ZNF385D: variants seen among roughly 807,000 people sequenced by gnomAD.
The protein encoded by ZNF385D is zinc finger protein 385D, also known as zinc finger protein 659.
In ZNF385D, 15 loss-of-function variants were observed where a neutral mutation model predicts 35.8. The ratio of observed to expected loss-of-function variants is 0.42; its 90% confidence interval spans 0.28 to 0.64. The LOEUF (loss-of-function observed/expected upper bound fraction) is 0.64. ZNF385D is among the 30% of genes least tolerant of loss of function. ZNF385D has a pLI of 0.23. For missense variants in ZNF385D, 474 were observed against 494.6 expected (o/e 0.96, Z 0.39); for synonymous variants, 212 against 186.8 (o/e 1.13, Z -1.10).
intron 2 of ZNF385D, among the ~76,000 whole-genome samples, chr3:21,652,608 A>T (rs1198688425): frequency 6.6e-6 from 1 of 151,392 alleles, no homozygotes; most frequent in Non-Finnish European, 1.5e-5. Flanking sequence ...ATATCTCCCA[A>T]TGCTATCCCT....
At chr3:21,775,863 AG>A (rs1359266028) in intron 3 of ZNF385D, among the ~76,000 whole-genome samples, 4 of 151,840 alleles carry the variant, frequency 2.6e-5, no homozygotes, top group Non-Finnish European at 5.9e-5. Context: ...TATAAAATTA[AG>A]ACATGCTCTT....
chr3:22,180,272 T>G (rs1337945869), intron 2 of ZNF385D, among the ~76,000 whole-genome samples: 5 of 152,092 alleles, frequency 3.3e-5, no homozygotes, highest in South Asian at 4.2e-4. Flanking sequence ...AATAACAGGC[T>G]CTGAAATTGA....
intron 2 of ZNF385D, among the ~76,000 whole-genome samples, chr3:22,198,648 G>C (rs1696581631): frequency 6.6e-6 from 1 of 151,882 alleles, no homozygotes; most frequent in South Asian, 2.1e-4. Context: ...ATTTTATGCT[G>C]ATACATAATT....
At chr3:22,060,397 A>C (rs1699629849) in intron 3 of ZNF385D, among the ~76,000 whole-genome samples, 1 of 152,232 alleles carries the variant, frequency 6.6e-6, no homozygotes, top group African/African-American at 2.4e-5. Context: ...AATTTCAATC[A>C]ACCATCCACA....
At chr3:22,159,103 A>G (rs1363484651) in intron 3 of ZNF385D, among the ~76,000 whole-genome samples, 1 of 151,986 alleles carries the variant, frequency 6.6e-6, no homozygotes, top group Admixed American at 6.6e-5. Flanking sequence ...AGGTAGCTCT[A>G]TGTGTACTAA....
At chr3:22,146,085 G>A (rs955459616) in intron 3 of ZNF385D, among the ~76,000 whole-genome samples, 6 of 152,058 alleles carry the variant, frequency 3.9e-5, no homozygotes, top group Admixed American at 1.3e-4. Flanking sequence ...GCTGTGAACT[G>A]CATCAAACAC....
chr3:21,945,399 T>C (rs887433937), intron 3 of ZNF385D, among the ~76,000 whole-genome samples: 1 of 152,196 alleles, frequency 6.6e-6, no homozygotes, highest in African/African-American at 2.4e-5. Context: ...GTTAGTTGTA[T>C]GTTTTCTTCA....
At chr3:22,034,182 T>C (rs1044680936) in intron 3 of ZNF385D, among the ~76,000 whole-genome samples, 1 of 152,128 alleles carries the variant, frequency 6.6e-6, no homozygotes, top group Non-Finnish European at 1.5e-5. Context: ...GATGAGGACT[T>C]TGGGAGATTA....
At chr3:22,344,870 T>C (rs67181439) in intron 2 of ZNF385D, among the ~76,000 whole-genome samples, 12,484 of 152,270 alleles carry the variant, frequency 0.082, 852 homozygotes, top group African/African-American at 0.2. Context: ...AACTAAACTA[T>C]TTAAACTTCA....
chr3:22,350,439 T>C (rs1287279358), intron 2 of ZNF385D, among the ~76,000 whole-genome samples: 2 of 152,084 alleles, frequency 1.3e-5, no homozygotes, highest in Non-Finnish European at 2.9e-5. Flanking sequence ...CGATAAAATA[T>C]ATTGCCCTAT....
chr3:21,847,961 TA>T (rs1289928226), intron 3 of ZNF385D, among the ~76,000 whole-genome samples: 1 of 152,032 alleles, frequency 6.6e-6, no homozygotes, highest in Non-Finnish European at 1.5e-5. Flanking sequence ...TCTCAATTTT[TA>T]TATCTGTTGA....
intron 3 of ZNF385D, among the ~76,000 whole-genome samples, chr3:21,872,204 T>C (rs1158196963): frequency 1.3e-5 from 2 of 152,082 alleles, no homozygotes; most frequent in Non-Finnish European, 2.9e-5. Context: ...AGAACAGAAA[T>C]TTATTGATGC....
intron 2 of ZNF385D, among the ~76,000 whole-genome samples, chr3:21,602,941 C>G (rs961956530): frequency 6.6e-6 from 1 of 152,152 alleles, no homozygotes. Context: ...CCTAAACCTC[C>G]AGATAAAAAG....
intron 3 of ZNF385D, among the ~76,000 whole-genome samples, chr3:22,112,683 A>G (rs1293794250): frequency 6.6e-6 from 1 of 152,140 alleles, no homozygotes. Context: ...ACAATGAACA[A>G]GGGTGATATA....
At chr3:21,702,504 T>C (rs1413806040) in intron 1 of ZNF385D, among the ~76,000 whole-genome samples, 1 of 152,214 alleles carries the variant, frequency 6.6e-6, no homozygotes, top group Non-Finnish European at 1.5e-5. Flanking sequence ...GGAAACATTT[T>C]CCTCATGATC....
chr3:22,295,356 CAT>C (rs1050433030), intron 2 of ZNF385D, among the ~76,000 whole-genome samples: 3 of 152,124 alleles, frequency 2.0e-5, no homozygotes, highest in Non-Finnish European at 2.9e-5. Context: ...AGCTCTCACA[CAT>C]GAGGGAGAGA....
chr3:21,780,325 G>C (rs2071440424), intron 3 of ZNF385D, among the ~76,000 whole-genome samples: 1 of 151,786 alleles, frequency 6.6e-6, no homozygotes, highest in Non-Finnish European at 1.5e-5. Context: ...ACTAGATGTA[G>C]GGCATACTAT....
At chr3:21,474,136 A>G (rs1704082444) in intron 4 of ZNF385D, among the ~76,000 whole-genome samples, 1 of 151,692 alleles carries the variant, frequency 6.6e-6, no homozygotes, top group South Asian at 2.1e-4. Context: ...TAATGGATTG[A>G]TGTTGCTTTG....
At chr3:22,369,950 TTTAA>T (rs1162954177) in intron 2 of ZNF385D, among the ~76,000 whole-genome samples, 1 of 152,148 alleles carries the variant, frequency 6.6e-6, no homozygotes. Context: ...AATGCAACAT[TTTAA>T]TTAAATTACA....
Sources: allele counts gnomAD v4.1 joint callset (sites outside exome capture counted in the v4.1 genomes callset), GRCh38; gene constraint gnomAD v4.1.1; transcripts MANE v1.5; gene names NCBI Gene and HGNC (gene_info 2026-07-23, HGNC 2026-07-21).